TBC1D10A: variants seen among roughly 807,000 people sequenced by gnomAD.
TBC1D10A encodes the protein EBP50-PDX interactor of 64 kDa.
TBC1D10A carries 24 observed loss-of-function variants against 52.9 expected under a neutral mutation model. That is an observed-to-expected ratio of 0.45 (90% CI 0.33 to 0.64). The LOEUF is 0.64. TBC1D10A is among the 30% of genes least tolerant of loss of function. The pLI, the probability that TBC1D10A is intolerant of heterozygous loss-of-function variation, is 0.02. For synonymous variants in TBC1D10A, 278 were observed against 282.9 expected, an observed-to-expected ratio of 0.98 and a Z score of 0.17; for missense variants, 602 against 687.9, an observed-to-expected ratio of 0.88 and a Z score of 1.40.
At position 30,294,067 on chromosome 22, in the gene TBC1D10A, T is replaced by G. The variant is rs764135309; in HGVS notation, c.749A>C (p.Gln250Pro). 3.3e-5 allele frequency: 53 copies of G among 1,614,066 alleles called. 1 individual carries two copies. In the South Asian group the frequency reaches 5.5e-4, roughly 17 times the overall value. Reference protein sequence around the residue: ...LDGEILFSLLQKVSPVAHKHL... With the variant: ...LDGEILFSLLPKVSPVAHKHL... ...CTTGTGGGCCACCGGCGACACCTTC[T>G]GCAACAGCGAGAAAAGGATCTCCCC... The change falls in exon 7 of 9, where the codon CAG (glutamine) becomes CCG (proline). Residue 250 changes from glutamine to proline, a missense_variant. This residue lies in a region of TBC1D10A where 136 missense variants were observed against 208.4 expected (regional missense o/e 0.65). Coordinates refer to ENST00000215790, the MANE Select transcript of TBC1D10A (RefSeq NM_031937.3).
chr22:30,310,610 G>GA (rs756478155), intron 1 of TBC1D10A, among the ~76,000 whole-genome samples: 2 of 152,292 alleles, frequency 1.3e-5, no homozygotes, highest in Non-Finnish European at 2.9e-5. Flanking sequence ...TGGTAAACAT[G>GA]ATGTGAGGCA....
chr22:30,319,243 C>T (rs182055095), intron 1 of TBC1D10A, among the ~76,000 whole-genome samples: 1 of 152,330 alleles, frequency 6.6e-6, no homozygotes, highest in Non-Finnish European at 1.5e-5. Flanking sequence ...TTCCTCTGTA[C>T]TCCCAGAGCA....
At chr22:30,323,162 C>T (rs1315025637) in intron 1 of TBC1D10A, among the ~76,000 whole-genome samples, 1 of 152,202 alleles carries the variant, frequency 6.6e-6, no homozygotes, top group African/African-American at 2.4e-5. Context: ...GCCTCAGCCT[C>T]CCAAAGTGCT....
At chr22:30,313,873 T>C (rs1381389322) in intron 1 of TBC1D10A, among the ~76,000 whole-genome samples, 2 of 152,136 alleles carry the variant, frequency 1.3e-5, no homozygotes, top group South Asian at 4.1e-4. Context: ...GTACCAGCTC[T>C]AGATCTTCCT....
At chr22:30,317,323 G>T (rs904600064) in intron 1 of TBC1D10A, among the ~76,000 whole-genome samples, 1 of 152,100 alleles carries the variant, frequency 6.6e-6, no homozygotes, top group South Asian at 2.1e-4. Flanking sequence ...CATGAGAATC[G>T]CTTGAACCGG....
intron 4 of TBC1D10A, 133 bp from the exon 5 acceptor site, chr22:30,295,188 C>G: frequency 1.2e-6 from 1 of 837,696 alleles, no homozygotes; most frequent in Non-Finnish European, 1.9e-6. Context: ...TGCTTGTGGT[C>G]ACCAAGGGGT....
intron 1 of TBC1D10A, among the ~76,000 whole-genome samples, chr22:30,321,200 C>T (rs1032320273): frequency 2.0e-4 from 30 of 152,278 alleles, no homozygotes; most frequent in African/African-American, 6.7e-4. Context: ...ACAGGGCCAC[C>T]AAACCGGATA....
chr22:30,307,808 T>A (rs1930340051), intron 1 of TBC1D10A: 1 of 152,294 alleles, frequency 6.6e-6, no homozygotes, highest in Non-Finnish European at 1.5e-5. Flanking sequence ...TATTTTATTT[T>A]TTTGAGACGG....
At chr22:30,294,678 A>C (rs549972486) in intron 6 of TBC1D10A, 118 bp downstream of exon 6, 1 of 1,354,452 alleles carries the variant, frequency 7.4e-7, no homozygotes, top group East Asian at 2.4e-5. Flanking sequence ...CTTCAGCCTC[A>C]AGGCAACAGA....
At chr22:30,304,505 C>T (rs1930270265) in intron 2 of TBC1D10A, 26 bp downstream of exon 2, 6 of 1,613,932 alleles carry the variant, frequency 3.7e-6, no homozygotes, top group Non-Finnish European at 5.1e-6. Flanking sequence ...AACTCCCAGC[C>T]CAATACCTGA....
Position 30,326,819 on chromosome 22 carries a change from T to C in TBC1D10A, c.63A>G (p.Gly21=). 6.8e-7 allele frequency: 1 copy of C among 1,472,766 alleles called. No homozygotes were observed. The highest frequency in any genetic ancestry group is 9.0e-7 in the Non-Finnish European group (1 of 1,114,096). 91.2% of individuals were successfully genotyped at this position (1,472,766 alleles called of 1,614,324 possible). The stretch of plus-strand genomic sequence containing the variant: ...GGCCCTGGGCCAGGCTCTCCCGGGT[T>C]CCCGACAGGCTTTCCCCGGCCGCGG... The part of the protein sequence containing the change: ...RAPAAGESLS[G]TRESLAQGPD... Residue 21 remains glycine, a synonymous_variant, in exon 1 of 9, where the codon GGA becomes GGG. Coordinates refer to ENST00000215790, the MANE Select transcript of TBC1D10A (RefSeq NM_031937.3).
At position 30,294,779 on chromosome 22, in the gene TBC1D10A, G is replaced by C. The variant is rs747680324; in HGVS notation, c.705+17C>G. On this transcript the variant is annotated intron_variant, in intron 6 of 8. Transcript: ENST00000215790. ...GGTGTCCAGCCCAGGGCAAGTCCCA[G>C]GCCAGGCGACACTCACCAGTTTCTC... The C allele has an allele frequency of 1.2e-6, 2 of 1,614,070 alleles. No homozygotes were observed. The highest frequency in any genetic ancestry group is 1.1e-5 in the South Asian group (1 of 91,084).
chr22:30,294,899 G>T (rs781126556), intron 5 of TBC1D10A, 38 bp from the exon 6 acceptor site: 4 of 1,613,936 alleles, frequency 2.5e-6, no homozygotes, highest in Admixed American at 3.3e-5. Context: ...GCCGTTGGGG[G>T]TTCCCCACCC....
chr22:30,307,602 C>G (rs1180891762), intron 1 of TBC1D10A: 2 of 152,356 alleles, frequency 1.3e-5, no homozygotes, highest in East Asian at 3.9e-4. Context: ...CCTTTCTTCT[C>G]CCTTCTCCAA....
chr22:30,293,713 T>C lies in TBC1D10A; in HGVS notation c.988A>G (p.Thr330Ala). 6.2e-7 allele frequency: 1 copy of C among 1,613,404 alleles called. No individual in the cohort carries two copies. Among genetic ancestry groups the C allele is most frequent in the East Asian group, 2.2e-5 (1 of 44,860 alleles). Reference protein sequence around the residue: ...KVKACQGQYETIERLRSLSPK... With the variant: ...KVKACQGQYEAIERLRSLSPK... ...CTGAGGCTCCGCAGTCGCTCGATGGTCTCGTACTGGCCCTGGCAGGCTTTG... is the reference window on the plus strand; with the variant it reads ...CTGAGGCTCCGCAGTCGCTCGATGGCCTCGTACTGGCCCTGGCAGGCTTTG... Residue 330 changes from threonine (T) to alanine (A), a missense_variant, in exon 8 of 9, where the codon ACC becomes GCC. Coordinates refer to ENST00000215790, the MANE Select transcript of TBC1D10A (RefSeq NM_031937.3).
chr22:30,308,328 CTGCA>C (rs1341338901), intron 1 of TBC1D10A, among the ~76,000 whole-genome samples: 2 of 146,678 alleles, frequency 1.4e-5, no homozygotes, highest in Admixed American at 6.8e-5. Context: ...GCCTGCATGC[CTGCA>C]TGCCTGCCTG....
chr22:30,304,817 G>A (rs997412610), intron 1 of TBC1D10A, among the ~76,000 whole-genome samples, 187 bp from the exon 2 acceptor site: 5 of 152,166 alleles, frequency 3.3e-5, no homozygotes, highest in African/African-American at 4.8e-5. Context: ...CCCATCCACC[G>A]CCTCAAGGCA....
Position 30,309,339 on chromosome 22 carries a change from T to G in TBC1D10A, c.210-4709A>C, listed in dbSNP as rs560341290. Among the ~76,000 whole-genome samples, 33 of 151,882 alleles carry G rather than the reference T, an allele frequency of 2.2e-4. No homozygotes were observed. In the East Asian group the frequency reaches 6.4e-3, roughly 29 times the overall value. On this transcript the variant is annotated intron_variant, in intron 1 of 8. Transcript: ENST00000215790. ...GCAACCTCCACCTCCCGGGTTTAAGTGATTCTCTTGCTTCAGCATCCCAAG... is the reference window on the plus strand; with the variant it reads ...GCAACCTCCACCTCCCGGGTTTAAGGGATTCTCTTGCTTCAGCATCCCAAG...
intron 2 of TBC1D10A, among the ~76,000 whole-genome samples, chr22:30,303,338 CAGAT>C (rs564025493): frequency 1.3e-3 from 195 of 149,740 alleles, no homozygotes; most frequent in African/African-American, 3.8e-3. Flanking sequence ...GACAGACAGA[CAGAT>C]AGATAGACAG....
Sources: gnomAD v4.1 joint callset for allele counts (sites outside exome capture counted in the v4.1 genomes callset) on GRCh38, gnomAD v4.1.1 for gene constraint, gnomAD v4.1.1 regional missense constraint, MANE v1.5 for transcripts, NCBI Gene and HGNC (gene_info 2026-07-23, HGNC 2026-07-21) for gene names.